The following FTCD variants were observed in gnomAD, a reference collection of about 807,000 sequenced individuals.
FTCD encodes formimidoyltransferase-cyclodeaminase.
FTCD carries 76 observed loss-of-function variants against 62.9 expected under a neutral mutation model. That is an observed-to-expected ratio of 1.21 (90% CI 1.00 to 1.46). The LOEUF is 1.46. FTCD is among the 40% of genes most tolerant of loss of function. FTCD has a pLI of 0.00. For missense variants in FTCD, 845 were observed against 751.3 expected (o/e 1.12, Z -1.46); for synonymous variants, 397 against 336.9 (o/e 1.18, Z -1.95).
At position 46,151,716 on chromosome 21, in the gene FTCD, G is replaced by A. The variant is rs989895642; in HGVS notation, c.478C>T (p.Pro160Ser). Residue 160 changes from proline (P) to serine (S), a missense_variant, in exon 5 of 14, where the codon CCC becomes TCC. Pro to Ser is a moderately conservative substitution (Grantham distance 74). Transcript: ENST00000397746. ...ACAAAGGAGCTGGGACCAAAGTCGG[G>A]CGCCCAGTCGGCCTGCTGGAGCTGT... ...PKKLQQADWAPDFGPSSFVPS... is the reference protein window; with the variant it reads ...PKKLQQADWASDFGPSSFVPS... The A allele has an allele frequency of 1.9e-6, 3 of 1,612,784 alleles. No homozygotes were observed. The highest frequency in any genetic ancestry group is 1.7e-5 in the Admixed American group (1 of 60,006).
intron 9 of FTCD, 103 bp from the exon 10 acceptor site, chr21:46,145,681 G>C (rs1469215889): frequency 1.6e-5 from 10 of 622,264 alleles, no homozygotes; most frequent in Admixed American, 7.2e-5. Flanking sequence ...GGTCCCACCC[G>C]TGTGGCCCCC....
chr21:46,139,965 G>A (rs551231228), intron 10 of FTCD, among the ~76,000 whole-genome samples: 16 of 152,348 alleles, frequency 1.1e-4, no homozygotes, highest in South Asian at 4.1e-4. Context: ...GCGTCCGGCC[G>A]AGGCCTGCCC....
Position 46,145,424 on chromosome 21 carries a change from G to A in FTCD, c.1253C>T (p.Ala418Val). 1.3e-6 allele frequency: 2 copies of A among 1,551,694 alleles called. No individual in the cohort carries two copies. The highest frequency in any genetic ancestry group is 2.4e-5 in the South Asian group (2 of 84,266). ...GCTGTGGCCGCCACTCACCAGGTAG[G>A]CGGTGAAGGCCTCGGCGTCGGCATC... ...LVDADAEAFTAYLEAMRLPKN... is the reference protein window; with the variant it reads ...LVDADAEAFTVYLEAMRLPKN... The change falls in exon 10 of 14, where the codon GCC becomes GTC. Residue 418 changes from alanine to valine, a missense_variant. By Grantham distance (64) the Ala-to-Val change is moderately conservative. Transcript: ENST00000397746.
chr21:46,145,369 G>T, intron 10 of FTCD, 48 bp downstream of exon 10: 3 of 1,475,148 alleles, frequency 2.0e-6, no homozygotes, highest in South Asian at 1.2e-5. Context: ...CCAGCTGGGG[G>T]TTCGCTGTTG....
At chr21:46,147,957 AAAAG>A (rs1449094305) in intron 7 of FTCD, among the ~76,000 whole-genome samples, 27 of 151,812 alleles carry the variant, frequency 1.8e-4, no homozygotes, top group Admixed American at 2.0e-4. Flanking sequence ...AAAAAAAAAA[AAAAG>A]AAGAAGACAA....
chr21:46,136,420 C>A (rs747674107), downstream of FTCD: 3 of 1,612,146 alleles, frequency 1.9e-6, no homozygotes, highest in South Asian at 1.1e-5. Context: ...TGGAACTGTC[C>A]AGACCTGCCG....
At chr21:46,154,752 G>A (rs1225082297) in intron 1 of FTCD, among the ~76,000 whole-genome samples, 1 of 152,250 alleles carries the variant, frequency 6.6e-6, no homozygotes, top group Non-Finnish European at 1.5e-5. Context: ...GAACCTTCCG[G>A]GTGGCAGGAC....
chr21:46,154,429 TGAG>T, intron 1 of FTCD, 97 bp from the exon 2 acceptor site: 1 of 1,417,454 alleles, frequency 7.1e-7, no homozygotes, highest in South Asian at 1.2e-5. Context: ...AAATGGGGGC[TGAG>T]GAGGCGGGCC....
Position 46,149,110 on chromosome 21 carries a change from T to A in FTCD, c.906+1009A>T, listed in dbSNP as rs561643373. The stretch of plus-strand genomic sequence containing the variant: ...GCAAAATGCAAGCACTTGGAAAATA[T>A]GGGTGGGAGGCAGGAGTGGAGGGCC... On this transcript the variant is annotated intron_variant, in intron 7 of 13. Transcript: ENST00000397746. Among the ~76,000 whole-genome samples the A allele has an allele frequency of 1.2e-4, 18 of 152,250 alleles. No homozygotes were observed. In the South Asian group the frequency reaches 3.7e-3, roughly 32 times the overall value.
At chr21:46,140,865 C>T (rs1390808467) in intron 10 of FTCD, among the ~76,000 whole-genome samples, 2 of 147,924 alleles carry the variant, frequency 1.4e-5, no homozygotes, top group African/African-American at 2.6e-5. Flanking sequence ...CAGCACTCCC[C>T]GTCTGCCTTC....
At chr21:46,141,475 G>T (rs2079004247) in intron 10 of FTCD, among the ~76,000 whole-genome samples, 1 of 152,020 alleles carries the variant, frequency 6.6e-6, no homozygotes, top group Non-Finnish European at 1.5e-5. Context: ...TTAAATTCAT[G>T]ACTGTCTTCA....
chr21:46,154,774 G>A (rs1273418209), intron 1 of FTCD, among the ~76,000 whole-genome samples: 1 of 152,260 alleles, frequency 6.6e-6, no homozygotes, highest in Admixed American at 6.5e-5. Context: ...GCTGGGAGCA[G>A]GGGCTCAGCC....
chr21:46,138,983 T>C lies in FTCD; in HGVS notation c.1261-60A>G, dbSNP rs113422045. The C allele has an allele frequency of 2.5e-4, 328 of 1,299,074 alleles. 4 individuals carry two copies. In the East Asian group the frequency reaches 6.4e-3, roughly 25 times the overall value. The allele number at this position is 1,299,074 out of a possible 1,614,324, so 80.5% of individuals were successfully genotyped here. On this transcript the variant is annotated intron_variant, in intron 10 of 13. Transcript: ENST00000397746. ...CCGTAGGGGGAGCAGCCATGCCCTC[T>C]GAGCTCCCACAAGGGGCTGTAGCAA...
At chr21:46,139,027 G>T (rs909629301) in intron 10 of FTCD, 104 bp from the exon 11 acceptor site, 1 of 887,800 alleles carries the variant, frequency 1.1e-6, no homozygotes, top group Non-Finnish European at 1.9e-6. Flanking sequence ...TCCCAGGCAG[G>T]GACCAGTTCT....
intron 1 of FTCD, 144 bp from the exon 2 acceptor site, chr21:46,154,476 C>T: frequency 9.4e-7 from 1 of 1,063,982 alleles, no homozygotes; most frequent in Non-Finnish European, 1.4e-6. Context: ...AGCTGAGCTC[C>T]CACCGAAAGT....
chr21:46,153,266 C>CA (rs2079346216), intron 2 of FTCD, among the ~76,000 whole-genome samples: 1 of 152,228 alleles, frequency 6.6e-6, no homozygotes, highest in African/African-American at 2.4e-5. Context: ...ACCGTCCTCC[C>CA]AGCCAGTGTG....
intron 10 of FTCD, among the ~76,000 whole-genome samples, chr21:46,143,243 GC>G (rs1262427795): frequency 5.3e-5 from 8 of 151,634 alleles, no homozygotes; most frequent in Non-Finnish European, 1.5e-5. Flanking sequence ...AAACACAGGC[GC>G]CCCCACCGCC....
intron 10 of FTCD, among the ~76,000 whole-genome samples, chr21:46,139,760 C>T (rs943510718): frequency 2.0e-5 from 3 of 152,240 alleles, no homozygotes; most frequent in Non-Finnish European, 4.4e-5. Flanking sequence ...ATCATCCAGA[C>T]CAGGCCTCCT....
chr21:46,136,635 G>A (rs914953918), downstream of FTCD: 60 of 1,486,266 alleles, frequency 4.0e-5, no homozygotes, highest in Admixed American at 2.0e-4. Flanking sequence ...GGACCCTGGC[G>A]CTGAGGTCTG....
Sources: allele counts gnomAD v4.1 joint callset (sites outside exome capture counted in the v4.1 genomes callset), GRCh38; gene constraint gnomAD v4.1.1; transcripts MANE v1.5; gene names NCBI Gene and HGNC (gene_info 2026-07-23, HGNC 2026-07-21).